ZNF100: variants seen among roughly 807,000 people sequenced by gnomAD.
The protein encoded by ZNF100 is zinc finger protein 100, also known as zinc finger protein 100 (Y1).
A neutral mutation model predicts 15.8 loss-of-function variants in ZNF100; 12 were observed. That is an observed-to-expected ratio of 0.76 (90% CI 0.49 to 1.23). ZNF100 has a LOEUF of 1.23. Among genes scored for constraint, ZNF100 ranks in the 50% most tolerant of loss-of-function variants. The probability of loss-of-function intolerance (pLI) is 0.00; values close to 1 mark genes in which losing one functional copy is unlikely to be tolerated. For synonymous variants in ZNF100, 226 were observed against 214.8 expected (o/e 1.05, Z -0.45); for missense variants, 670 against 635.6 (o/e 1.05, Z -0.58).
chr19:21,723,313 T>C lies in ZNF100; in HGVS notation c.*3370A>G, dbSNP rs957546768. On this transcript the variant is annotated 3_prime_UTR_variant, in exon 5 of 5. Coordinates refer to ENST00000358296, the MANE Select transcript of ZNF100 (RefSeq NM_173531.4). ...AGGCAGAGGTTGCAGTGAGCCCACA[T>C]TGCACCACTGCACTCCAGCTTGGGC... 4.1e-5 allele frequency: 6 copies of C among 147,854 alleles called. No individual in the cohort carries two copies. Among genetic ancestry groups the C allele is most frequent in the Non-Finnish European group, 7.4e-5 (5 of 67,652 alleles). 9.2% of individuals were successfully genotyped at this position (147,854 alleles called of 1,614,324 possible).
intron 2 of ZNF100, among the ~76,000 whole-genome samples, chr19:21,754,245 A>AC (rs1491209897): frequency 1.3e-4 from 20 of 152,048 alleles, no homozygotes; most frequent in Admixed American, 3.3e-4. Flanking sequence ...TCAAAAAAAA[A>AC]ACAACAAAAC....
At chr19:21,743,968 A>G in intron 4 of ZNF100, 49 bp downstream of exon 4, 1 of 1,524,852 alleles carries the variant, frequency 6.6e-7, no homozygotes, top group Non-Finnish European at 8.8e-7. Flanking sequence ...TTTCTTTTTG[A>G]CCTTTGGACC....
intron 2 of ZNF100, chr19:21,751,972 A>C: frequency 4.9e-6 from 2 of 405,758 alleles, no homozygotes. Flanking sequence ...CAAAGACTGG[A>C]GAAATACCAC....
At chr19:21,742,298 C>G (rs549978638) in intron 4 of ZNF100, among the ~76,000 whole-genome samples, 4 of 135,628 alleles carry the variant, frequency 2.9e-5, no homozygotes, top group South Asian at 2.4e-4. Flanking sequence ...CTCTGTCCCC[C>G]ACCCAAAAAA....
At chr19:21,752,476 C>A (rs2036324710) in intron 2 of ZNF100, 2 of 152,578 alleles carry the variant, frequency 1.3e-5, no homozygotes, top group African/African-American at 4.8e-5. Flanking sequence ...TCATTTTAAA[C>A]CAAAAAGCTG....
intron 4 of ZNF100, 39 bp downstream of exon 4, chr19:21,743,978 C>T: frequency 6.4e-7 from 1 of 1,564,516 alleles, no homozygotes; most frequent in Non-Finnish European, 8.7e-7. Context: ...ACCTTTGGAC[C>T]TCACATCTGT....
chr19:21,765,725 C>T lies in ZNF100; in HGVS notation c.65G>A (p.Arg22Lys). Reference sequence around the variant, plus strand: ...AAAATAAGACTGCACCAGAAGACTCCTCTCAGCCCCAGGGCATCCACTTGC... The same window carrying T: ...AAAATAAGACTGCACCAGAAGACTCTTCTCAGCCCCAGGGCATCCACTTGC... ...KGASGCPGAE[R>K]SLLVQSYFEK... The change falls in exon 2 of 5, where the codon AGG (arginine) becomes AAG (lysine). Residue 22 changes from arginine (R) to lysine (K), a missense_variant. Physicochemically the swap from Arg to Lys is conservative, Grantham distance 26. Coordinates refer to ENST00000358296, the MANE Select transcript of ZNF100 (RefSeq NM_173531.4). 6.2e-7 allele frequency: 1 copy of T among 1,614,150 alleles called. No homozygotes were observed.
chr19:21,751,208 C>T, intron 2 of ZNF100: 4 of 1,298,854 alleles, frequency 3.1e-6, no homozygotes, highest in Non-Finnish European at 4.5e-6. Flanking sequence ...AAGTATAGCT[C>T]ATGCTCAACA....
In ZNF100 at chr19:21,767,395, G is replaced by C. The variant is rs373519440; in HGVS notation, c.3+32C>G. ...ACCAGTTCCAACCAGCCCTTTCGCC[G>C]TCTCTCGGGATGTCGGACCGGGCAC... On this transcript the variant is annotated intron_variant, in intron 1 of 4. Coordinates refer to ENST00000358296, the MANE Select transcript of ZNF100 (RefSeq NM_173531.4). The C allele has an allele frequency of 4.1e-5, 66 of 1,609,072 alleles. No individual in the cohort carries two copies. In the African/African-American group the frequency reaches 7.5e-4, roughly 18 times the overall value.
At chr19:21,757,359 A>G (rs574060533) in intron 2 of ZNF100, among the ~76,000 whole-genome samples, 2 of 152,324 alleles carry the variant, frequency 1.3e-5, no homozygotes, top group African/African-American at 4.8e-5. Flanking sequence ...AAATGCTTCA[A>G]CCCATGAAGC....
chr19:21,726,244 G>A lies in ZNF100; in HGVS notation c.*439C>T, dbSNP rs2035781840. On this transcript the variant is annotated 3_prime_UTR_variant, in exon 5 of 5. Coordinates refer to ENST00000358296, the MANE Select transcript of ZNF100 (RefSeq NM_173531.4). The stretch of plus-strand genomic sequence containing the variant: ...AACTCTCTGATGTTGAGTAAGATGT[G>A]AGCATGTATTAATGGCTTTTTCACA... The A allele has an allele frequency of 6.2e-6, 1 of 161,078 alleles. No homozygotes were observed. Among genetic ancestry groups the A allele is most frequent in the Non-Finnish European group, 1.4e-5 (1 of 73,530 alleles). The allele number at this position is 161,078 out of a possible 1,614,324, so 10.0% of individuals were successfully genotyped here.
chr19:21,754,603 G>C (rs986193766), intron 2 of ZNF100, among the ~76,000 whole-genome samples: 1 of 152,082 alleles, frequency 6.6e-6, no homozygotes, highest in Non-Finnish European at 1.5e-5. Flanking sequence ...ACTGAAACTG[G>C]ACCCCTTCCT....
chr19:21,759,703 C>T (rs35881881), intron 2 of ZNF100, among the ~76,000 whole-genome samples: 14,378 of 152,188 alleles, frequency 0.094, 904 homozygotes, highest in South Asian at 0.17. Context: ...ATCCTCACTG[C>T]TACACCCCCA....
intron 4 of ZNF100, among the ~76,000 whole-genome samples, chr19:21,737,510 G>T (rs900862096): frequency 6.6e-6 from 1 of 151,310 alleles, no homozygotes; most frequent in African/African-American, 2.4e-5. Flanking sequence ...ACTCCAGCCT[G>T]GGGGACAAGA....
At chr19:21,745,384 T>C (rs888742606) in intron 2 of ZNF100, among the ~76,000 whole-genome samples, 7 of 152,232 alleles carry the variant, frequency 4.6e-5, no homozygotes, top group African/African-American at 1.2e-4. Flanking sequence ...GAGTTGTGTA[T>C]ATTTTTCAGA....
chr19:21,754,061 C>T (rs944417931), intron 2 of ZNF100, among the ~76,000 whole-genome samples: 2 of 152,206 alleles, frequency 1.3e-5, no homozygotes, highest in African/African-American at 4.8e-5. Flanking sequence ...ATTTCTCCTA[C>T]TTACTCAAAT....
chr19:21,732,373 T>G (rs1256444388), intron 4 of ZNF100, among the ~76,000 whole-genome samples: 2 of 152,126 alleles, frequency 1.3e-5, no homozygotes, highest in African/African-American at 4.8e-5. Context: ...AACGACCATT[T>G]ACAACAAACC....
chr19:21,765,718 A>G lies in ZNF100; in HGVS notation c.72T>C (p.Leu24=). ...ASGCPGAERS[L]LVQSYFEKGP... is the part of the protein sequence containing the mutation. ...CCTTTTCAAAATAAGACTGCACCAG[A>G]AGACTCCTCTCAGCCCCAGGGCATC... Residue 24 remains leucine, a synonymous_variant, in exon 2 of 5, where the codon CTT becomes CTC. Coordinates refer to ENST00000358296, the MANE Select transcript of ZNF100 (RefSeq NM_173531.4). The G allele has an allele frequency of 6.2e-7, 1 of 1,614,162 alleles. No individual in the cohort carries two copies. The highest frequency in any genetic ancestry group is 8.5e-7 in the Non-Finnish European group (1 of 1,180,022).
intron 2 of ZNF100, among the ~76,000 whole-genome samples, chr19:21,746,625 T>C (rs2036215936): frequency 1.3e-5 from 2 of 152,214 alleles, no homozygotes; most frequent in African/African-American, 4.8e-5. Flanking sequence ...GCCATGATAT[T>C]GAGAATGTAG....
Sources: allele counts gnomAD v4.1 joint callset (sites outside exome capture counted in the v4.1 genomes callset), GRCh38; gene constraint gnomAD v4.1.1; transcripts MANE v1.5; gene names NCBI Gene and HGNC (gene_info 2026-07-23, HGNC 2026-07-21).